The following TBC1D4 variants were observed in gnomAD, a reference collection of about 807,000 sequenced individuals.
The protein encoded by TBC1D4 is TBC (Tre-2, BUB2, CDC16) domain-containing protein.
In TBC1D4, 121 loss-of-function variants were observed where a neutral mutation model predicts 142.5. The ratio of observed to expected loss-of-function variants is 0.85; its 90% CI spans 0.73 to 0.99. The LOEUF is 0.99. Among genes scored for constraint, TBC1D4 ranks in the 50% least tolerant of loss-of-function variants. TBC1D4 has a pLI of 0.00. For missense variants in TBC1D4, 1,475 were observed against 1,606.6 expected, an observed-to-expected ratio of 0.92 and a Z score of 1.40; for synonymous variants, 630 against 628.2, an observed-to-expected ratio of 1.00 and a Z score of -0.04.
At chr13:75,451,042 A>G (rs1165314751) in intron 1 of TBC1D4, among the ~76,000 whole-genome samples, 1 of 152,192 alleles carries the variant, frequency 6.6e-6, no homozygotes, top group Non-Finnish European at 1.5e-5. Context: ...CCAAAAGTAT[A>G]GTATGTCTTA....
At chr13:75,295,747 G>A (rs1280278790) in intron 17 of TBC1D4, among the ~76,000 whole-genome samples, 2 of 152,268 alleles carry the variant, frequency 1.3e-5, no homozygotes. Context: ...TGATACTACA[G>A]ATAAAGCAGT....
At chr13:75,386,781 T>A (rs1566449364) in intron 1 of TBC1D4, among the ~76,000 whole-genome samples, 1 of 152,164 alleles carries the variant, frequency 6.6e-6, no homozygotes, top group Non-Finnish European at 1.5e-5. Context: ...TTAGTGAACA[T>A]CTTTCCGCCA....
chr13:75,314,733 G>A (rs746127149), intron 12 of TBC1D4, among the ~76,000 whole-genome samples: 12 of 151,824 alleles, frequency 7.9e-5, no homozygotes, highest in Non-Finnish European at 1.0e-4. Flanking sequence ...TTGGGAGGCC[G>A]AGGCAGGCGG....
intron 1 of TBC1D4, among the ~76,000 whole-genome samples, chr13:75,370,411 T>C (rs1286016911): frequency 2.0e-5 from 3 of 152,278 alleles, no homozygotes; most frequent in South Asian, 2.1e-4. Context: ...GTGTGGAATA[T>C]GGACAAGGGT....
At chr13:75,464,917 T>A (rs1294242225) in intron 1 of TBC1D4, among the ~76,000 whole-genome samples, 1 of 152,222 alleles carries the variant, frequency 6.6e-6, no homozygotes, top group Non-Finnish European at 1.5e-5. Flanking sequence ...AGTTTCCTCT[T>A]TTTTTTCCTC....
chr13:75,305,131 C>T (rs1420463737), intron 15 of TBC1D4, among the ~76,000 whole-genome samples: 1 of 152,196 alleles, frequency 6.6e-6, no homozygotes, highest in African/African-American at 2.4e-5. Flanking sequence ...GGAGAAACCC[C>T]TTTCACTTGG....
chr13:75,305,642 T>C (rs1485662131), intron 15 of TBC1D4, among the ~76,000 whole-genome samples: 2 of 152,244 alleles, frequency 1.3e-5, no homozygotes, highest in Non-Finnish European at 2.9e-5. Flanking sequence ...TAGAATTTCT[T>C]TGGGTATTTT....
In TBC1D4 at chr13:75,286,893, G is replaced by A. The variant is rs367591642; in HGVS notation, c.3796C>T (p.Arg1266Trp). The A allele has an allele frequency of 3.3e-5, 53 of 1,613,828 alleles. No individual in the cohort carries two copies. The highest frequency in any genetic ancestry group is 1.6e-4 in the African/African-American group (12 of 74,890). ...MAYQKTVEQL[R>W]KLLPADALVN... ...AGAGCATCCGCGGGCAGCAGCTTCC[G>A]GAGTTGCTCCACTGTCTTTTGATAA... is the stretch of plus-strand genomic sequence containing the variant. Residue 1266 changes from arginine (R) to tryptophan (W), a missense_variant, in exon 21 of 21, where the codon CGG becomes TGG. Arg to Trp is a moderately radical substitution (Grantham distance 101). Coordinates refer to ENST00000377636, the MANE Select transcript of TBC1D4 (RefSeq NM_014832.5).
At position 75,376,470 on chromosome 13, in the gene TBC1D4, C is replaced by G. The variant is rs138640404; in HGVS notation, c.499-13863G>C. ...TTGGCTCACTGCAACCTCCGCCTCC[C>G]GGGCTCAAGCAATTCTCCTGCCTCA... On this transcript the variant is annotated intron_variant, in intron 1 of 20. Transcript: ENST00000377636. Among the ~76,000 whole-genome samples, 1,512 of 151,794 alleles carry G rather than the reference C, an allele frequency of 1.0e-2. 20 individuals are homozygous for G. Among genetic ancestry groups the G allele is most frequent in the African/African-American group, 0.034 (1,406 of 41,340 alleles).
In TBC1D4 at chr13:75,369,868, G is replaced by T. The variant is rs141748014; in HGVS notation, c.499-7261C>A. Among the ~76,000 whole-genome samples, 7 of 152,276 alleles carry T rather than the reference G, an allele frequency of 4.6e-5. No homozygotes were observed. In the South Asian group the frequency reaches 1.5e-3, roughly 32 times the overall value. On this transcript the variant is annotated intron_variant, in intron 1 of 20. Transcript: ENST00000377636. Reference sequence around the variant, plus strand: ...TGAGAAGCTATGGCTAAATCAAATTGCCTGCCTTCATGAAATTTAAATTGA... The same window carrying T: ...TGAGAAGCTATGGCTAAATCAAATTTCCTGCCTTCATGAAATTTAAATTGA...
At chr13:75,287,105 C>T in intron 20 of TBC1D4, 80 bp from the exon 21 acceptor site, 1 of 1,102,850 alleles carries the variant, frequency 9.1e-7, no homozygotes, top group Non-Finnish European at 1.4e-6. Flanking sequence ...TAACCAATTA[C>T]TTCAAATTAC....
At chr13:75,343,955 C>T (rs1880937148) in intron 5 of TBC1D4, among the ~76,000 whole-genome samples, 1 of 152,102 alleles carries the variant, frequency 6.6e-6, no homozygotes, top group Non-Finnish European at 1.5e-5. Flanking sequence ...ATTCTCATGC[C>T]TCAACCTCCC....
intron 1 of TBC1D4, among the ~76,000 whole-genome samples, chr13:75,459,918 G>A (rs937576667): frequency 5.9e-5 from 9 of 152,138 alleles, no homozygotes; most frequent in Admixed American, 1.3e-4. Context: ...TGAGGTGGGC[G>A]GATCACGAGG....
At chr13:75,317,449 T>C (rs1437009316) in intron 12 of TBC1D4, among the ~76,000 whole-genome samples, 1 of 152,146 alleles carries the variant, frequency 6.6e-6, no homozygotes, top group Admixed American at 6.5e-5. Context: ...ATAATTACAT[T>C]CCAAAATGTA....
intron 10 of TBC1D4, among the ~76,000 whole-genome samples, chr13:75,324,913 G>A (rs1593729191): frequency 1.3e-5 from 2 of 152,266 alleles, no homozygotes; most frequent in Admixed American, 1.3e-4. Flanking sequence ...CTTTCCTGAG[G>A]ACAGTGGAAT....
chr13:75,303,413 ATATAATGAAACATTAACTCTAG>A, intron 15 of TBC1D4, among the ~76,000 whole-genome samples: 1 of 152,328 alleles, frequency 6.6e-6, no homozygotes, highest in South Asian at 2.1e-4. Flanking sequence ...TGCTTAGCAC[ATATAATGAAACATTAACTCTAG>A]TATGCTTGAA....
intron 1 of TBC1D4, among the ~76,000 whole-genome samples, chr13:75,400,460 CTTTT>C (rs56282911): frequency 7.7e-6 from 1 of 130,612 alleles, no homozygotes; most frequent in Non-Finnish European, 1.7e-5. Context: ...TAAATTCATG[CTTTT>C]TTTTTTTTTT....
intron 1 of TBC1D4, among the ~76,000 whole-genome samples, chr13:75,378,199 AT>A (rs983516946): frequency 1.3e-5 from 2 of 152,132 alleles, no homozygotes; most frequent in African/African-American, 4.8e-5. Context: ...TTAAAGTTCA[AT>A]TTTACTAAAA....
In TBC1D4 at chr13:75,362,230, A is replaced by C; in HGVS notation, c.876T>G (p.Ser292=). Residue 292 remains serine (S), a synonymous_variant, in exon 2 of 21, where the codon TCT becomes TCG. Transcript: ENST00000377636. The surrounding 1 kb of genome is among the most constrained non-coding windows in gnomAD (Gnocchi z 4.2). ...AGASQPALTS[S]RVCFPERILE... is the part of the protein sequence containing the mutation. ...AAATCCGCTCAGGGAAGCAGACCCG[A>C]GAGCTGGTCAGGGCAGGCTGGCTGG... The C allele has an allele frequency of 6.2e-7, 1 of 1,613,738 alleles. No individual in the cohort carries two copies. Among genetic ancestry groups the C allele is most frequent in the Non-Finnish European group, 8.5e-7 (1 of 1,179,974 alleles).
Sources: gnomAD v4.1 joint callset for allele counts (sites outside exome capture counted in the v4.1 genomes callset) on GRCh38, gnomAD v4.1.1 for gene constraint, Gnocchi (gnomAD v3.1) non-coding constraint, MANE v1.5 for transcripts, NCBI Gene and HGNC (gene_info 2026-07-23, HGNC 2026-07-21) for gene names.